CTNNA2: variants seen among roughly 807,000 people sequenced by gnomAD.
The protein encoded by CTNNA2 is catenin alpha 2.
Under a neutral mutation model 101.0 loss-of-function variants are expected in CTNNA2, and 42 were observed. The observed-to-expected ratio is 0.42, with a 90% CI of 0.32 to 0.54. CTNNA2 has a LOEUF of 0.54. Ranked by LOEUF, CTNNA2 falls within the 20% of genes least tolerant of loss-of-function variation. CTNNA2 has a pLI of 0.14. For synonymous variants in CTNNA2, 450 were observed against 456.4 expected (o/e 0.99, Z 0.18); for missense variants, 871 against 1,223.1 (o/e 0.71, Z 4.29).
At chr2:79,411,506 T>A (rs1250353935) in intron 4 of CTNNA2, among the ~76,000 whole-genome samples, 1 of 152,076 alleles carries the variant, frequency 6.6e-6, no homozygotes. Context: ...AAAGGTCGGG[T>A]TACCCACAAA....
intron 7 of CTNNA2, among the ~76,000 whole-genome samples, chr2:80,279,781 A>G (rs1305946534): frequency 1.3e-5 from 2 of 152,162 alleles, no homozygotes; most frequent in African/African-American, 2.4e-5. Flanking sequence ...GGAGATTTCT[A>G]TGTCATGGCC....
chr2:79,917,831 G>T (rs1686359760), intron 7 of CTNNA2, among the ~76,000 whole-genome samples: 1 of 152,048 alleles, frequency 6.6e-6, no homozygotes, highest in South Asian at 2.1e-4. Context: ...CTTGTGTCAG[G>T]TTCAGGTGTT....
intron 4 of CTNNA2, among the ~76,000 whole-genome samples, chr2:79,449,528 G>C (rs1015815703): frequency 1.3e-5 from 2 of 151,884 alleles, no homozygotes; most frequent in African/African-American, 4.8e-5. Context: ...GGAATATATT[G>C]GCACATAGAA....
intron 2 of CTNNA2, among the ~76,000 whole-genome samples, chr2:79,265,257 C>T (rs1345048983): frequency 6.6e-6 from 1 of 152,190 alleles, no homozygotes; most frequent in Non-Finnish European, 1.5e-5. Flanking sequence ...TTTCATAGAT[C>T]TGAGTCAGGT....
intron 6 of CTNNA2, among the ~76,000 whole-genome samples, chr2:79,906,191 C>G (rs1397263536): frequency 1.3e-5 from 2 of 152,004 alleles, no homozygotes; most frequent in Admixed American, 1.3e-4. Flanking sequence ...CCGACCCATT[C>G]ATAGATTCAT....
At chr2:80,096,660 T>A (rs1044877737) in intron 7 of CTNNA2, among the ~76,000 whole-genome samples, 1 of 152,302 alleles carries the variant, frequency 6.6e-6, no homozygotes, top group South Asian at 2.1e-4. Context: ...TGTAGGTCAC[T>A]AAGGACTTGC....
intron 7 of CTNNA2, among the ~76,000 whole-genome samples, chr2:80,127,234 T>A (rs1402447478): frequency 6.6e-6 from 1 of 151,518 alleles, no homozygotes; most frequent in Non-Finnish European, 1.5e-5. Flanking sequence ...GATCAAAAGG[T>A]TTTTTTTTGT....
chr2:79,348,147 G>T (rs977992040), intron 3 of CTNNA2, among the ~76,000 whole-genome samples: 1 of 152,022 alleles, frequency 6.6e-6, no homozygotes, highest in African/African-American at 2.4e-5. Flanking sequence ...AATGCAAAAC[G>T]ACTTACTTTG....
chr2:80,179,704 TTGA>T (rs1338628403), intron 7 of CTNNA2, among the ~76,000 whole-genome samples: 1 of 152,162 alleles, frequency 6.6e-6, no homozygotes, highest in East Asian at 1.9e-4. Flanking sequence ...TTTCAAGTCC[TTGA>T]TGATGGCACT....
chr2:80,057,861 C>T (rs752164992), intron 7 of CTNNA2, among the ~76,000 whole-genome samples: 22 of 152,182 alleles, frequency 1.4e-4, no homozygotes, highest in South Asian at 2.1e-4. Flanking sequence ...TGGAAACATA[C>T]GGTATGAGGA....
intron 2 of CTNNA2, among the ~76,000 whole-genome samples, chr2:79,694,794 G>C (rs914003552): frequency 6.6e-6 from 1 of 151,850 alleles, no homozygotes; most frequent in East Asian, 1.9e-4. Context: ...TAGAGAACAA[G>C]TGGCTTCCTT....
intron 2 of CTNNA2, among the ~76,000 whole-genome samples, chr2:79,661,029 T>G (rs1681999362): frequency 6.6e-6 from 1 of 152,218 alleles, no homozygotes; most frequent in Non-Finnish European, 1.5e-5. Context: ...GTGTATGATG[T>G]AAATGTTGGT....
At chr2:79,337,176 C>G (rs1349515) in intron 3 of CTNNA2, among the ~76,000 whole-genome samples, 70,420 of 151,982 alleles carry the variant, frequency 0.46, 16,940 homozygotes, top group East Asian at 0.68. Context: ...TTCTCTGCAG[C>G]AAAGCCTTTG....
intron 3 of CTNNA2, among the ~76,000 whole-genome samples, chr2:79,776,714 AT>A (rs1673992307): frequency 6.6e-6 from 1 of 152,248 alleles, no homozygotes; most frequent in Non-Finnish European, 1.5e-5. Flanking sequence ...ATATTCTTTA[AT>A]TCAGGACAGA....
At position 79,704,158 on chromosome 2, in the gene CTNNA2, A is replaced by T. The variant is rs567642081; in HGVS notation, c.103-40229A>T. On this transcript the variant is annotated intron_variant, in intron 2 of 18. Coordinates refer to ENST00000402739, the MANE Select transcript of CTNNA2 (RefSeq NM_001282597.3). ...CCTCAAACAACTGACATATAATTTC[A>T]TAAACATAAATTTTGCAAAATAAAT... 1.1e-3 allele frequency among the ~76,000 whole-genome samples: 161 copies of T among 152,356 alleles called. 1 individual carries two copies. Among genetic ancestry groups the T allele is most frequent in the African/African-American group, 3.8e-3 (157 of 41,590 alleles).
At chr2:80,595,086 T>G (rs1696838297) in intron 15 of CTNNA2, among the ~76,000 whole-genome samples, 1 of 152,064 alleles carries the variant, frequency 6.6e-6, no homozygotes, top group Admixed American at 6.5e-5. Context: ...GTAGATCTCT[T>G]TCAGTAGTAT....
chr2:79,518,509 C>T (rs1329113272), intron 1 of CTNNA2, among the ~76,000 whole-genome samples: 1 of 151,920 alleles, frequency 6.6e-6, no homozygotes, highest in Non-Finnish European at 1.5e-5. Context: ...TTTTTATGGC[C>T]CCTTGATGTT....
At chr2:79,699,495 CA>C (rs1684850626) in intron 2 of CTNNA2, among the ~76,000 whole-genome samples, 1 of 151,506 alleles carries the variant, frequency 6.6e-6, no homozygotes, top group Admixed American at 6.6e-5. Context: ...AATTCAAGGC[CA>C]AAAGTCTCTA....
At chr2:80,618,394 T>C (rs956327761) in intron 17 of CTNNA2, among the ~76,000 whole-genome samples, 1 of 151,846 alleles carries the variant, frequency 6.6e-6, no homozygotes, top group Non-Finnish European at 1.5e-5. Context: ...AAAGTCAAGA[T>C]TGTAACATTT....
Sources: gnomAD v4.1 joint callset for allele counts (sites outside exome capture counted in the v4.1 genomes callset) on GRCh38, gnomAD v4.1.1 for gene constraint, MANE v1.5 for transcripts, NCBI Gene and HGNC (gene_info 2026-07-23, HGNC 2026-07-21) for gene names.